RBM47: variants seen among roughly 807,000 people sequenced by gnomAD.
The protein encoded by RBM47 is RNA-binding protein 47.
RBM47 carries 21 observed loss-of-function variants against 47.1 expected under a neutral mutation model. The ratio of observed to expected loss-of-function variants is 0.45; its 90% CI spans 0.32 to 0.64. The LOEUF is 0.64. RBM47 is among the 30% of genes least tolerant of loss of function. The pLI is 0.05. For missense variants in RBM47, 708 were observed against 870.9 expected (o/e 0.81, Z 2.35); for synonymous variants, 375 against 361.7 (o/e 1.04, Z -0.42).
In RBM47 at chr4:40,589,967, C is replaced by CT. The variant is rs575231838; in HGVS notation, c.-240+39428dup. On this transcript the variant is annotated intron_variant, in intron 1 of 6. Coordinates refer to ENST00000295971, the MANE Select transcript of RBM47 (RefSeq NM_001098634.2). ...GAGCCCAACAATCTTTCACTTTCCC[C>CT]TTAACGCCTATTAGAAAAAAAAAAC... Among the ~76,000 whole-genome samples, 16 of 152,100 alleles carry CT rather than the reference C, an allele frequency of 1.1e-4. 1 individual carries two copies. In the South Asian group the frequency reaches 3.1e-3, roughly 30 times the overall value.
intron 1 of RBM47, among the ~76,000 whole-genome samples, chr4:40,552,314 C>G (rs1353315920): frequency 1.3e-5 from 2 of 152,018 alleles, no homozygotes; most frequent in African/African-American, 4.8e-5. Context: ...AGAAGAATTG[C>G]TTGAACCTGG....
At chr4:40,484,368 A>G (rs1408434114) in intron 2 of RBM47, among the ~76,000 whole-genome samples, 1 of 152,148 alleles carries the variant, frequency 6.6e-6, no homozygotes. Context: ...CCATCATTAC[A>G]TTCTGCCAAT....
intron 3 of RBM47, among the ~76,000 whole-genome samples, chr4:40,465,087 T>A (rs1717807761): frequency 6.6e-6 from 1 of 151,880 alleles, no homozygotes; most frequent in Non-Finnish European, 1.5e-5. Flanking sequence ...ATTAAAAAAA[T>A]TTTGCTCTCT....
intron 1 of RBM47, among the ~76,000 whole-genome samples, chr4:40,604,120 A>C (rs1274594808): frequency 6.6e-6 from 1 of 152,208 alleles, no homozygotes; most frequent in African/African-American, 2.4e-5. Flanking sequence ...CCATTTATCC[A>C]TTCAACAAAT....
At chr4:40,480,001 G>C (rs563296000) in intron 2 of RBM47, among the ~76,000 whole-genome samples, 1 of 133,456 alleles carries the variant, frequency 7.5e-6, no homozygotes, top group African/African-American at 2.7e-5. Context: ...TTTTGAGACG[G>C]AGTCTTATTC....
At chr4:40,486,069 C>CAAAAAAAAAAAAAAAAAAAAAA (rs201408070) in intron 2 of RBM47, among the ~76,000 whole-genome samples, 1 of 62,818 alleles carries the variant, frequency 1.6e-5, no homozygotes, top group African/African-American at 5.0e-5. Flanking sequence ...AACCCTGTTT[C>CAAAAAAAAAAAAAAAAAAAAAA]AAAAAAAAAA....
intron 2 of RBM47, among the ~76,000 whole-genome samples, chr4:40,540,158 A>G (rs1381456436): frequency 3.3e-5 from 5 of 152,142 alleles, no homozygotes; most frequent in Non-Finnish European, 5.9e-5. Context: ...ATGTTGATCA[A>G]GGAAAATATG....
intron 6 of RBM47, among the ~76,000 whole-genome samples, chr4:40,432,256 T>A (rs1401205862): frequency 6.6e-6 from 1 of 150,614 alleles, no homozygotes; most frequent in African/African-American, 2.5e-5. Flanking sequence ...GGGTTAACAT[T>A]TTTTTAAAAA....
At chr4:40,458,464 ACT>A (rs1716617417) in intron 3 of RBM47, among the ~76,000 whole-genome samples, 1 of 152,196 alleles carries the variant, frequency 6.6e-6, no homozygotes, top group African/African-American at 2.4e-5. Context: ...GCCCAGGAAT[ACT>A]CTCAACATTG....
At chr4:40,625,778 G>A (rs931053379) in intron 1 of RBM47, among the ~76,000 whole-genome samples, 2 of 152,152 alleles carry the variant, frequency 1.3e-5, no homozygotes, top group African/African-American at 4.8e-5. Context: ...GGGGAGACTG[G>A]ATGTTGTTTT....
At chr4:40,606,033 A>T (rs1387559316) in intron 1 of RBM47, among the ~76,000 whole-genome samples, 1 of 147,050 alleles carries the variant, frequency 6.8e-6, no homozygotes, top group Admixed American at 6.8e-5. Flanking sequence ...GCCTTTCTCT[A>T]CTTAAAAAAA....
chr4:40,622,260 G>A (rs1226050362), intron 1 of RBM47, among the ~76,000 whole-genome samples: 1 of 152,196 alleles, frequency 6.6e-6, no homozygotes, highest in Non-Finnish European at 1.5e-5. Flanking sequence ...GAGGATGCGG[G>A]CAGGAAGGAG....
chr4:40,522,864 A>G (rs1207855071), intron 2 of RBM47, among the ~76,000 whole-genome samples: 1 of 152,130 alleles, frequency 6.6e-6, no homozygotes, highest in African/African-American at 2.4e-5. Context: ...TTCTTGTTAA[A>G]GGAAATTAAT....
intron 6 of RBM47, among the ~76,000 whole-genome samples, chr4:40,431,746 C>T (rs1716105175): frequency 1.6e-5 from 1 of 63,784 alleles, no homozygotes; most frequent in African/African-American, 4.5e-5. Context: ...AACCAGGATA[C>T]ACTATGAAAA....
At chr4:40,589,719 G>A (rs1379323819) in intron 1 of RBM47, among the ~76,000 whole-genome samples, 2 of 152,226 alleles carry the variant, frequency 1.3e-5, no homozygotes, top group African/African-American at 2.4e-5. Context: ...GATTGCAGGC[G>A]TAAGCCACCG....
intron 1 of RBM47, among the ~76,000 whole-genome samples, chr4:40,612,881 C>T (rs1159345545): frequency 1.3e-5 from 2 of 152,170 alleles, no homozygotes; most frequent in African/African-American, 4.8e-5. Flanking sequence ...TGTTTCATTT[C>T]CTTTGGTTGT....
intron 2 of RBM47, among the ~76,000 whole-genome samples, chr4:40,529,931 C>CTTTT (rs1184871315): frequency 3.2e-5 from 4 of 124,486 alleles, no homozygotes; most frequent in South Asian, 2.4e-4. Context: ...ATTAGACCCC[C>CTTTT]TTTTTTTTTT....
intron 4 of RBM47, chr4:40,436,941 G>C (rs10034961): frequency 0.069 from 25,588 of 369,548 alleles, 628 homozygotes; most frequent in African/African-American, 0.12. Context: ...CCTCCCCCCC[G>C]CCAAAAAAAA....
At chr4:40,542,472 C>T (rs1472864316) in intron 2 of RBM47, 2 of 152,168 alleles carry the variant, frequency 1.3e-5, no homozygotes, top group Non-Finnish European at 2.9e-5. Flanking sequence ...CAATAGTCAC[C>T]TCCTGACTCA....
Sources: allele counts gnomAD v4.1 joint callset (sites outside exome capture counted in the v4.1 genomes callset), GRCh38; gene constraint gnomAD v4.1.1; transcripts MANE v1.5; gene names NCBI Gene and HGNC (gene_info 2026-07-23, HGNC 2026-07-21).